Variants in ST6GAL2 observed in about 807,000 individuals in gnomAD.
The protein encoded by ST6GAL2 is ST6 beta-galactoside alpha-2,6-sialyltransferase 2.
A neutral mutation model predicts 37.5 loss-of-function variants in ST6GAL2; 24 were observed. The ratio of observed to expected loss-of-function variants is 0.64; its 90% CI spans 0.46 to 0.90. The LOEUF is 0.90. Among genes scored for constraint, ST6GAL2 ranks in the 40% least tolerant of loss-of-function variants. The pLI is 0.00. For synonymous variants in ST6GAL2, 306 were observed against 295.1 expected (o/e 1.04, Z -0.38); for missense variants, 715 against 712.7 (o/e 1.00, Z -0.04).
At chr2:106,867,698 A>G (rs1465344980) in intron 1 of ST6GAL2, among the ~76,000 whole-genome samples, 1 of 150,822 alleles carries the variant, frequency 6.6e-6, no homozygotes, top group Non-Finnish European at 1.5e-5. Flanking sequence ...TTAGGAACCC[A>G]CCCCCAGCCC....
chr2:106,838,803 AG>A (rs1295603340), intron 2 of ST6GAL2, among the ~76,000 whole-genome samples: 1 of 152,190 alleles, frequency 6.6e-6, no homozygotes, highest in Non-Finnish European at 1.5e-5. Flanking sequence ...TGTGAGGCCG[AG>A]GCGAGCAGAT....
chr2:106,865,269 C>A (rs1416891007), intron 1 of ST6GAL2, among the ~76,000 whole-genome samples: 1 of 152,174 alleles, frequency 6.6e-6, no homozygotes, highest in Non-Finnish European at 1.5e-5. Context: ...TATCTTACTC[C>A]ATCAAGAAAA....
intron 5 of ST6GAL2, chr2:106,813,156 AG>A (rs1490254902): frequency 1.6e-6 from 2 of 1,275,612 alleles, no homozygotes; most frequent in Non-Finnish European, 2.0e-6. Flanking sequence ...TCTGTCGTCC[AG>A]GCTGGAGTGC....
intron 1 of ST6GAL2, among the ~76,000 whole-genome samples, chr2:106,850,899 C>T (rs1162384900): frequency 1.3e-5 from 2 of 152,154 alleles, no homozygotes; most frequent in Non-Finnish European, 2.9e-5. Context: ...TAAATGACAT[C>T]GGGGGATATA....
chr2:106,884,185 CTATT>C (rs1286382093), intron 1 of ST6GAL2, among the ~76,000 whole-genome samples: 1 of 152,158 alleles, frequency 6.6e-6, no homozygotes. Context: ...AGTCCCTTCG[CTATT>C]TAATCTTTGC....
intron 5 of ST6GAL2, chr2:106,813,100 T>C (rs1675669274): frequency 3.2e-6 from 4 of 1,255,744 alleles, no homozygotes; most frequent in Admixed American, 4.2e-5. Flanking sequence ...AATGTTAAGT[T>C]TCTTATATGG....
chr2:106,874,168 A>C (rs1253601754), intron 1 of ST6GAL2, among the ~76,000 whole-genome samples: 1 of 152,182 alleles, frequency 6.6e-6, no homozygotes, highest in Non-Finnish European at 1.5e-5. Flanking sequence ...GAAGGGAGCA[A>C]AGTCAATTAT....
rs1675362935 is a variant in ST6GAL2, at chr2:106,804,790, C to T, written c.*1888G>A. 1 of 128,176 alleles carries T rather than the reference C, an allele frequency of 7.8e-6. No homozygotes were observed. The highest frequency in any genetic ancestry group is 3.0e-5 in the African/African-American group (1 of 33,472). The allele number at this position is 128,176 out of a possible 1,614,324, so 7.9% of individuals were successfully genotyped here. Reference sequence around the variant, plus strand: ...GTGGGAGGCAGAGCTGGCAGTGAACCAAGATCGCACCACTGCACTCTAGCC... The same window carrying T: ...GTGGGAGGCAGAGCTGGCAGTGAACTAAGATCGCACCACTGCACTCTAGCC... On this transcript the variant is annotated 3_prime_UTR_variant, in exon 6 of 6. Coordinates refer to ENST00000409382, the MANE Select transcript of ST6GAL2 (RefSeq NM_001142351.2).
intron 2 of ST6GAL2, among the ~76,000 whole-genome samples, chr2:106,835,599 T>G (rs2104486361): frequency 6.6e-6 from 1 of 152,352 alleles, no homozygotes; most frequent in African/African-American, 2.4e-5. Context: ...GTTGGCAAAC[T>G]ATGACCTTCT....
At chr2:106,814,545 T>C (rs922553047) in intron 5 of ST6GAL2, among the ~76,000 whole-genome samples, 1 of 149,422 alleles carries the variant, frequency 6.7e-6, no homozygotes, top group African/African-American at 2.5e-5. Context: ...ATAAAAAGAA[T>C]TGGCAATTGT....
chr2:106,823,154 T>C (rs1242729580), intron 5 of ST6GAL2: 1 of 152,176 alleles, frequency 6.6e-6, no homozygotes, highest in African/African-American at 2.4e-5. Flanking sequence ...CCTGTTATTT[T>C]CAGATAAAAC....
chr2:106,884,983 A>C (rs1182421348), intron 1 of ST6GAL2, among the ~76,000 whole-genome samples: 2 of 146,778 alleles, frequency 1.4e-5, no homozygotes, highest in African/African-American at 5.0e-5. Context: ...ATACATATAC[A>C]TCATATATAT....
chr2:106,855,209 A>C (rs977720226), intron 1 of ST6GAL2, among the ~76,000 whole-genome samples: 19 of 152,318 alleles, frequency 1.2e-4, no homozygotes, highest in African/African-American at 4.6e-4. Context: ...AAATTCCAGA[A>C]TCTCTCTTCA....
chr2:106,857,639 C>T (rs1437555622), intron 1 of ST6GAL2, among the ~76,000 whole-genome samples: 1 of 152,110 alleles, frequency 6.6e-6, no homozygotes, highest in African/African-American at 2.4e-5. Flanking sequence ...AAAAACCACA[C>T]ACATATACAC....
rs184897662 is a variant in ST6GAL2 at position 106,805,066 on chromosome 2, C to T, written c.*1612G>A. 55 of 152,220 alleles carry T rather than the reference C, an allele frequency of 3.6e-4. No homozygotes were observed. Among genetic ancestry groups the T allele is most frequent in the African/African-American group, 1.3e-3 (54 of 41,540 alleles). The allele number at this position is 152,220 out of a possible 1,614,324, so 9.4% of individuals were successfully genotyped here. A position where few individuals can be genotyped will look rare whatever the true frequency, so the allele number is the denominator to read the frequency against. The stretch of plus-strand genomic sequence containing the variant: ...CTATAGGAGATGTCTTGTTTTCCAG[C>T]TCCATATCTGCTGAATAGACTAACC... On this transcript the variant is annotated 3_prime_UTR_variant, in exon 6 of 6. Coordinates refer to ENST00000409382, the MANE Select transcript of ST6GAL2 (RefSeq NM_001142351.2).
intron 5 of ST6GAL2, among the ~76,000 whole-genome samples, chr2:106,822,135 A>G (rs1365529065): frequency 1.3e-5 from 2 of 152,160 alleles, no homozygotes; most frequent in Non-Finnish European, 2.9e-5. Context: ...GTTATTCAAC[A>G]TAGCACTGAA....
intron 1 of ST6GAL2, among the ~76,000 whole-genome samples, chr2:106,872,209 T>C (rs957767426): frequency 6.6e-5 from 10 of 152,258 alleles, no homozygotes; most frequent in African/African-American, 1.7e-4. Context: ...CTTGACTGTA[T>C]ACTATCTGAA....
intron 1 of ST6GAL2, among the ~76,000 whole-genome samples, chr2:106,866,446 C>T (rs1203636983): frequency 6.6e-6 from 1 of 152,202 alleles, no homozygotes; most frequent in African/African-American, 2.4e-5. Context: ...AGTTGTCTAA[C>T]ATTCATGATG....
chr2:106,842,335 C>A (rs1397231376), intron 2 of ST6GAL2, among the ~76,000 whole-genome samples: 6 of 152,134 alleles, frequency 3.9e-5, no homozygotes, highest in African/African-American at 1.2e-4. Flanking sequence ...CAGAGCCTGG[C>A]AGGGAGGGAG....
Sources: allele counts gnomAD v4.1 joint callset (sites outside exome capture counted in the v4.1 genomes callset), GRCh38; gene constraint gnomAD v4.1.1; transcripts MANE v1.5; gene names NCBI Gene and HGNC (gene_info 2026-07-23, HGNC 2026-07-21).